Variants in DPP10 observed in about 807,000 individuals in gnomAD.
DPP10 encodes inactive dipeptidyl peptidase 10.
In DPP10, 33 loss-of-function variants were observed where a neutral mutation model predicts 120.9. The ratio of observed to expected loss-of-function variants is 0.27; its 90% CI spans 0.21 to 0.37. The LOEUF is 0.37. DPP10 is among the 10% of genes least tolerant of loss of function. The probability of loss-of-function intolerance (pLI) is 1.00; values close to 1 mark genes in which losing one functional copy is unlikely to be tolerated. For synonymous variants in DPP10, 337 were observed against 326.1 expected (o/e 1.03, Z -0.36); for missense variants, 816 against 942.8 (o/e 0.87, Z 1.76).
chr2:115,193,385 A>G (rs1385624087), intron 1 of DPP10, among the ~76,000 whole-genome samples: 1 of 152,172 alleles, frequency 6.6e-6, no homozygotes, highest in African/African-American at 2.4e-5. Flanking sequence ...ACTGCCTAAG[A>G]CCACCAGATT....
At chr2:114,733,724 T>C (rs1040800376) in intron 1 of DPP10, among the ~76,000 whole-genome samples, 2 of 152,194 alleles carry the variant, frequency 1.3e-5, no homozygotes, top group Admixed American at 1.3e-4. Context: ...ACTTTTATTT[T>C]CTCATTTAGG....
intron 5 of DPP10, among the ~76,000 whole-genome samples, chr2:115,622,388 C>G (rs1320007520): frequency 2.6e-5 from 4 of 152,066 alleles, no homozygotes; most frequent in African/African-American, 9.7e-5. Flanking sequence ...AATAGTGTTC[C>G]ATTTCTTGGA....
chr2:114,680,337 T>A (rs72826518), intron 1 of DPP10, among the ~76,000 whole-genome samples: 1,713 of 152,098 alleles, frequency 0.011, 9 homozygotes, highest in Middle Eastern at 0.027. Flanking sequence ...CTGAATGTGT[T>A]TATTATCAAA....
chr2:114,555,165 C>T (rs2104899938), intron 1 of DPP10, among the ~76,000 whole-genome samples: 1 of 152,310 alleles, frequency 6.6e-6, no homozygotes, highest in Admixed American at 6.5e-5. Context: ...GTCTTGTACA[C>T]ACTCAGAATA....
chr2:114,958,384 C>A (rs1338781791), intron 1 of DPP10, among the ~76,000 whole-genome samples: 2 of 152,108 alleles, frequency 1.3e-5, no homozygotes, highest in Non-Finnish European at 2.9e-5. Flanking sequence ...CGTACCGAGT[C>A]CTTCTCAGGC....
intron 3 of DPP10, among the ~76,000 whole-genome samples, chr2:115,346,953 C>G (rs2063739745): frequency 1.3e-5 from 2 of 152,092 alleles, no homozygotes; most frequent in Non-Finnish European, 2.9e-5. Context: ...TTATCAAGCA[C>G]CTCACTGACA....
intron 21 of DPP10, among the ~76,000 whole-genome samples, chr2:115,823,963 A>G (rs1325840526): frequency 6.6e-6 from 1 of 152,174 alleles, no homozygotes; most frequent in East Asian, 1.9e-4. Flanking sequence ...TCTTTTCTTT[A>G]CACTCACTAA....
At chr2:114,627,967 C>T (rs927940483) in intron 1 of DPP10, among the ~76,000 whole-genome samples, 1 of 151,940 alleles carries the variant, frequency 6.6e-6, no homozygotes, top group Admixed American at 6.6e-5. Flanking sequence ...TTTCAGCATC[C>T]CTAGAGATGA....
intron 1 of DPP10, among the ~76,000 whole-genome samples, chr2:115,004,931 A>C (rs1701708712): frequency 6.6e-6 from 1 of 152,026 alleles, no homozygotes; most frequent in Admixed American, 6.5e-5. Flanking sequence ...AGACAAACAA[A>C]AAGACAGCAG....
chr2:114,486,716 T>C (rs1480292944), intron 1 of DPP10, among the ~76,000 whole-genome samples: 4 of 152,166 alleles, frequency 2.6e-5, no homozygotes, highest in African/African-American at 9.6e-5. Flanking sequence ...AACTATAATG[T>C]TGAAAATATT....
intron 1 of DPP10, among the ~76,000 whole-genome samples, chr2:114,877,862 A>G (rs374195641): frequency 6.6e-6 from 1 of 151,892 alleles, no homozygotes; most frequent in Non-Finnish European, 1.5e-5. Flanking sequence ...CCTGGCCTCT[A>G]CCCACTAGAT....
chr2:115,256,691 G>A (rs1009263053), intron 1 of DPP10, among the ~76,000 whole-genome samples: 18 of 152,204 alleles, frequency 1.2e-4, no homozygotes, highest in African/African-American at 3.6e-4. Context: ...TTTGAGTCAT[G>A]CAAATGTATT....
intron 7 of DPP10, among the ~76,000 whole-genome samples, chr2:115,703,938 G>A (rs2091993591): frequency 6.6e-6 from 1 of 151,828 alleles, no homozygotes; most frequent in African/African-American, 2.4e-5. Context: ...TATTTTAGTA[G>A]CTTATTTTCT....
At chr2:114,804,095 T>C (rs1399383743) in intron 1 of DPP10, among the ~76,000 whole-genome samples, 1 of 152,176 alleles carries the variant, frequency 6.6e-6, no homozygotes, top group Non-Finnish European at 1.5e-5. Flanking sequence ...AAGGGGCCAA[T>C]GTACAGCTTG....
intron 1 of DPP10, among the ~76,000 whole-genome samples, chr2:114,720,720 C>G (rs79702217): frequency 6.6e-6 from 1 of 152,176 alleles, no homozygotes; most frequent in Non-Finnish European, 1.5e-5. Context: ...TCTGGTTCTC[C>G]TCTACTTTCT....
chr2:114,779,050 C>T (rs1259306462), intron 1 of DPP10, among the ~76,000 whole-genome samples: 1 of 152,032 alleles, frequency 6.6e-6, no homozygotes, highest in Non-Finnish European at 1.5e-5. Flanking sequence ...CATGCCTGGG[C>T]TCTATTTTTG....
rs923430788 is a variant in DPP10, at chr2:114,824,663, T to C, written c.60+381825T>C. ...ATTAGAAATAAATGTACTTAGAATA[T>C]TGGAGACAGGAAAGAATATTAGGAA... On this transcript the variant is annotated intron_variant, in intron 1 of 25. Transcript: ENST00000410059. 1.1e-4 allele frequency among the ~76,000 whole-genome samples: 16 copies of C among 152,220 alleles called. No homozygotes were observed. The East Asian group carries it at 1.9e-3, about 18-fold the overall frequency.
At chr2:114,954,150 G>T (rs911060785) in intron 1 of DPP10, among the ~76,000 whole-genome samples, 4 of 138,920 alleles carry the variant, frequency 2.9e-5, no homozygotes, top group African/African-American at 1.1e-4. Context: ...GTGCTATCTC[G>T]GCTCACTGCA....
At chr2:114,974,024 A>C (rs951961863) in intron 1 of DPP10, among the ~76,000 whole-genome samples, 4 of 152,214 alleles carry the variant, frequency 2.6e-5, no homozygotes, top group African/African-American at 9.6e-5. Flanking sequence ...ATTACAGAAG[A>C]ATCAGAAAGT....
Sources: allele counts gnomAD v4.1 joint callset (sites outside exome capture counted in the v4.1 genomes callset), GRCh38; gene constraint gnomAD v4.1.1; transcripts MANE v1.5; gene names NCBI Gene and HGNC (gene_info 2026-07-23, HGNC 2026-07-21).